The following SLC44A5 variants were observed in gnomAD, a reference collection of about 807,000 sequenced individuals.
The protein encoded by SLC44A5 is choline transporter-like protein 5.
SLC44A5 carries 57 observed loss-of-function variants against 101.8 expected under a neutral mutation model. The observed-to-expected ratio is 0.56, with a 90% confidence interval of 0.45 to 0.70. The LOEUF (loss-of-function observed/expected upper bound fraction) is 0.70, where lower values mean the gene tolerates loss of function less well. Among genes scored for constraint, SLC44A5 ranks in the 30% least tolerant of loss-of-function variants. SLC44A5 has a pLI of 0.00. For missense variants in SLC44A5, 737 were observed against 853.1 expected (o/e 0.86, Z 1.70); for synonymous variants, 281 against 290.9 (o/e 0.97, Z 0.35).
At chr1:75,567,631 T>C (rs1036583009) in intron 1 of SLC44A5, among the ~76,000 whole-genome samples, 2 of 152,208 alleles carry the variant, frequency 1.3e-5, no homozygotes, top group African/African-American at 4.8e-5. Context: ...ATACCACTTC[T>C]ACCAGTCACT....
At chr1:75,219,702 C>A in intron 15 of SLC44A5, 98 bp downstream of exon 15, 1 of 749,752 alleles carries the variant, frequency 1.3e-6, no homozygotes, top group Non-Finnish European at 2.2e-6. Flanking sequence ...TAGTACATTC[C>A]TCATCTTCCC....
At chr1:75,395,984 T>A (rs937862787) in intron 3 of SLC44A5, among the ~76,000 whole-genome samples, 3 of 152,176 alleles carry the variant, frequency 2.0e-5, no homozygotes, top group Non-Finnish European at 2.9e-5. Flanking sequence ...AAGCCAGTGC[T>A]GCTGAAATTT....
At chr1:75,388,545 C>T (rs1661560127) in intron 3 of SLC44A5, among the ~76,000 whole-genome samples, 2 of 152,086 alleles carry the variant, frequency 1.3e-5, no homozygotes, top group African/African-American at 4.8e-5. Flanking sequence ...CTTTGGGAGG[C>T]CGAGGCGGGT....
the SLC44A5 span, among the ~76,000 whole-genome samples, chr1:75,677,329 AC>A: frequency 6.6e-6 from 1 of 152,190 alleles, no homozygotes; most frequent in East Asian, 1.9e-4. Flanking sequence ...AATGGAAACA[AC>A]AAAAAGAAAA....
Position 75,269,488 on chromosome 1 carries a change from A to G in SLC44A5, c.260+5470T>C, listed in dbSNP as rs184746680. On this transcript the variant is annotated intron_variant, in intron 6 of 23. Transcript: ENST00000370859. ...AAAGTTTTCTTAACCCCATAATTCT[A>G]TAAATATACCCTTGCATTTTCTTCT... Among the ~76,000 whole-genome samples, 18 of 152,150 alleles carry G rather than the reference A, an allele frequency of 1.2e-4. No individual in the cohort carries two copies. The East Asian group carries it at 3.1e-3, about 26-fold the overall frequency.
the SLC44A5 span, among the ~76,000 whole-genome samples, chr1:75,703,844 T>C: frequency 1.3e-5 from 2 of 151,898 alleles, no homozygotes; most frequent in African/African-American, 4.8e-5. Flanking sequence ...TAGTGTAGTA[T>C]TGTCTTTACA....
intron 2 of SLC44A5, among the ~76,000 whole-genome samples, chr1:75,492,783 T>G (rs988967386): frequency 4.6e-5 from 7 of 152,198 alleles, no homozygotes; most frequent in Admixed American, 2.0e-4. Context: ...ACTCAGCACG[T>G]CTTCTCCCTT....
Position 75,219,452 on chromosome 1 carries a change from T to G in SLC44A5, c.1179-108A>C, listed in dbSNP as rs115922851. 6.0e-4 allele frequency: 457 copies of G among 760,560 alleles called. 2 individuals are homozygous for G. The African/African-American group carries it at 7.6e-3, about 13-fold the overall frequency. The allele number at this position is 760,560 out of a possible 1,614,324, so 47.1% of individuals were successfully genotyped here. On this transcript the variant is annotated intron_variant, in intron 15 of 23. Transcript: ENST00000370859. ...GTGCATGAGAAATTAACTTAAAAAA[T>G]GCCTAATATTTTAATAATATTCATC...
At chr1:75,243,039 G>T (rs1435735618) in intron 7 of SLC44A5, 28 bp from the exon 8 acceptor site, 2 of 1,578,654 alleles carry the variant, frequency 1.3e-6, no homozygotes, top group South Asian at 2.4e-5. Flanking sequence ...GATGAGAACT[G>T]AACTGAGTTG....
the SLC44A5 span, among the ~76,000 whole-genome samples, chr1:75,686,949 T>C: frequency 6.6e-6 from 1 of 152,194 alleles, no homozygotes; most frequent in East Asian, 1.9e-4. Flanking sequence ...TCCAAGGTTG[T>C]TTAATCTGAA....
rs1553209537 is a variant in SLC44A5 at position 75,580,852 on chromosome 1, A to AG, written c.-70+30187dup. On this transcript the variant is annotated intron_variant, in intron 1 of 23. Coordinates refer to ENST00000370859, the MANE Select transcript of SLC44A5 (RefSeq NM_001130058.2). ...GACTCTGTCTCAAAAAAAAAAACAA[A>AG]GAAAAAGAAAAACAAAGAAAGGAAA... Among the ~76,000 whole-genome samples the AG allele has an allele frequency of 2.0e-5, 3 of 146,966 alleles. No homozygotes were observed. In the East Asian group the frequency reaches 6.6e-4, roughly 32 times the overall value.
At chr1:75,414,324 T>TAC (rs35421682) in intron 2 of SLC44A5, among the ~76,000 whole-genome samples, 26,096 of 145,866 alleles carry the variant, frequency 0.18, 2,264 homozygotes, top group Admixed American at 0.2. Flanking sequence ...CATATCCACA[T>TAC]ACACACACAC....
At chr1:75,615,986 CTT>C (rs1280642730), upstream of SLC44A5, 2 of 687,450 alleles carry the variant, frequency 2.9e-6, no homozygotes, top group Admixed American at 1.3e-4. Context: ...TCAGCGAGCT[CTT>C]TGTTGCTGTG....
At chr1:75,697,211 C>G in the SLC44A5 span, among the ~76,000 whole-genome samples, 251 of 152,248 alleles carry the variant, frequency 1.6e-3, no homozygotes, top group Admixed American at 2.8e-3. Context: ...AGTTCAAGGC[C>G]AGCCTAGTCA....
At chr1:75,235,703 T>C (rs1648013741) in intron 11 of SLC44A5, among the ~76,000 whole-genome samples, 1 of 152,062 alleles carries the variant, frequency 6.6e-6, no homozygotes, top group South Asian at 2.1e-4. Context: ...TTAGACTTTA[T>C]TATGCATCAT....
At chr1:75,677,656 C>A in the SLC44A5 span, 9 of 393,842 alleles carry the variant, frequency 2.3e-5, no homozygotes, top group Admixed American at 3.4e-5. Flanking sequence ...GAAAGTGGAA[C>A]AAACTCTCCA....
At chr1:75,407,891 C>A (rs1226766817) in intron 2 of SLC44A5, among the ~76,000 whole-genome samples, 1 of 152,160 alleles carries the variant, frequency 6.6e-6, no homozygotes, top group Non-Finnish European at 1.5e-5. Flanking sequence ...AGTTTCTGCA[C>A]AGCAAAAGAA....
the SLC44A5 span, among the ~76,000 whole-genome samples, chr1:75,641,015 G>A: frequency 6.6e-6 from 1 of 152,008 alleles, no homozygotes; most frequent in African/African-American, 2.4e-5. Flanking sequence ...AAATCTTACA[G>A]TAGAACCCAT....
rs1478166374 is a variant in SLC44A5, at chr1:75,353,575, TA to T, written c.53-13946del. On this transcript the variant is annotated intron_variant, in intron 3 of 23. Coordinates refer to ENST00000370859, the MANE Select transcript of SLC44A5 (RefSeq NM_001130058.2). The stretch of plus-strand genomic sequence containing the variant: ...GAAATTTATCTTAGAGCTGTCTTTT[TA>T]AAAAATTATTTGTTCTGCTACTTTT... 2.0e-5 allele frequency among the ~76,000 whole-genome samples: 3 copies of T among 152,208 alleles called. No individual in the cohort carries two copies. In the East Asian group the frequency reaches 5.8e-4, roughly 29 times the overall value.
Sources: gnomAD v4.1 joint callset for allele counts (sites outside exome capture counted in the v4.1 genomes callset) on GRCh38, gnomAD v4.1.1 for gene constraint, MANE v1.5 for transcripts, NCBI Gene and HGNC (gene_info 2026-07-23, HGNC 2026-07-21) for gene names.